Variants in SBF2 observed in about 807,000 individuals in gnomAD.
SBF2 encodes the protein SET binding factor 2, also known as myotubularin-related protein 13.
In SBF2, 112 loss-of-function variants were observed where a neutral mutation model predicts 225.2. That is an observed-to-expected ratio of 0.50 (90% CI 0.43 to 0.58). SBF2 has a LOEUF of 0.58. Among genes scored for constraint, SBF2 ranks in the 20% least tolerant of loss-of-function variants. SBF2 has a pLI of 0.00. For synonymous variants in SBF2, 763 were observed against 773.3 expected (o/e 0.99, Z 0.22); for missense variants, 1,996 against 2,206.2 (o/e 0.90, Z 1.91).
chr11:10,266,776 G>A (rs553668062), intron 1 of SBF2, among the ~76,000 whole-genome samples: 4 of 152,172 alleles, frequency 2.6e-5, no homozygotes, highest in Non-Finnish European at 1.5e-5. Context: ...CAAAGGAAAC[G>A]TAGTTGATTT....
chr11:10,179,771 T>C (rs1485100399), intron 2 of SBF2, among the ~76,000 whole-genome samples: 1 of 152,218 alleles, frequency 6.6e-6, no homozygotes, highest in African/African-American at 2.4e-5. Context: ...CAGTCTTCTC[T>C]TCCTTGTTTC....
intron 2 of SBF2, among the ~76,000 whole-genome samples, chr11:10,121,661 C>T (rs1413803628): frequency 3.3e-4 from 50 of 152,174 alleles, no homozygotes; most frequent in Admixed American, 3.2e-3. Context: ...TAAAAATATG[C>T]TTTTGTACAA....
intron 17 of SBF2, among the ~76,000 whole-genome samples, chr11:9,885,889 G>A (rs1464787442): frequency 1.3e-5 from 2 of 152,078 alleles, no homozygotes; most frequent in Non-Finnish European, 2.9e-5. Context: ...CCGTAGCGTT[G>A]CCCCCCAATC....
chr11:10,063,677 A>T (rs1269604459), intron 2 of SBF2, among the ~76,000 whole-genome samples: 1 of 151,910 alleles, frequency 6.6e-6, no homozygotes, highest in Non-Finnish European at 1.5e-5. Flanking sequence ...TAAAAGTTAG[A>T]AATTATAATA....
At chr11:10,024,204 T>C (rs1948965802) in intron 6 of SBF2, among the ~76,000 whole-genome samples, 1 of 152,242 alleles carries the variant, frequency 6.6e-6, no homozygotes, top group Non-Finnish European at 1.5e-5. Flanking sequence ...ATACCACAGA[T>C]GCTTTATCCA....
At chr11:10,094,694 G>T (rs1951943789) in intron 2 of SBF2, among the ~76,000 whole-genome samples, 1 of 151,672 alleles carries the variant, frequency 6.6e-6, no homozygotes, top group African/African-American at 2.4e-5. Flanking sequence ...AGTAGAGACG[G>T]GGTTTCACCA....
intron 2 of SBF2, among the ~76,000 whole-genome samples, chr11:10,167,200 T>C (rs1955996016): frequency 1.3e-5 from 2 of 152,212 alleles, no homozygotes; most frequent in South Asian, 2.1e-4. Context: ...CATTAAATAA[T>C]GGTTAATTTA....
chr11:10,202,754 C>T (rs1957613798), intron 1 of SBF2, among the ~76,000 whole-genome samples: 2 of 152,202 alleles, frequency 1.3e-5, no homozygotes, highest in South Asian at 4.1e-4. Flanking sequence ...CGCCACTGCA[C>T]TCCAGCCTGG....
At position 10,003,390 on chromosome 11, in the gene SBF2, C is replaced by A. The variant is rs552209853; in HGVS notation, c.620-701G>T. Among the ~76,000 whole-genome samples, 252 of 145,868 alleles carry A rather than the reference C, an allele frequency of 1.7e-3. 1 individual carries two copies. Among genetic ancestry groups the A allele is most frequent in the South Asian group, 7.9e-3 (37 of 4,684 alleles). On this transcript the variant is annotated intron_variant, in intron 6 of 39. Transcript: ENST00000256190. ...CTTTTTTCTTTTTTTTTTTTTGAGA[C>A]GGAGCCTTGCTCTGTCATCGAGGTT...
At chr11:10,229,600 A>G (rs1259429522) in intron 1 of SBF2, among the ~76,000 whole-genome samples, 1 of 152,220 alleles carries the variant, frequency 6.6e-6, no homozygotes, top group East Asian at 1.9e-4. Flanking sequence ...CAGGTTGTTC[A>G]GTTTCCATGT....
intron 16 of SBF2, among the ~76,000 whole-genome samples, chr11:9,927,051 G>A (rs1232003222): frequency 6.6e-6 from 1 of 152,094 alleles, no homozygotes; most frequent in Non-Finnish European, 1.5e-5. Flanking sequence ...TGAGGAATGA[G>A]AGAGATGACA....
intron 2 of SBF2, among the ~76,000 whole-genome samples, chr11:10,125,541 A>C (rs1453608885): frequency 6.6e-6 from 1 of 152,200 alleles, no homozygotes; most frequent in East Asian, 1.9e-4. Context: ...TCTGTCTGTC[A>C]TATCTTTAAC....
upstream of SBF2, chr11:10,294,244 G>A (rs1351224300): frequency 1.4e-5 from 6 of 439,448 alleles, no homozygotes; most frequent in African/African-American, 4.1e-5. Context: ...CCTAGTGCCC[G>A]CTCCTCCCCC....
chr11:9,882,216 C>T (rs2134086823), intron 17 of SBF2, among the ~76,000 whole-genome samples: 1 of 152,268 alleles, frequency 6.6e-6, no homozygotes, highest in East Asian at 1.9e-4. Context: ...TATCCTAGGG[C>T]TTGCTTGAGT....
At chr11:10,260,088 C>T (rs1225208304) in intron 1 of SBF2, among the ~76,000 whole-genome samples, 1 of 152,024 alleles carries the variant, frequency 6.6e-6, no homozygotes, top group Non-Finnish European at 1.5e-5. Flanking sequence ...GGTTCTCCTG[C>T]CTGACAGCAA....
intron 2 of SBF2, among the ~76,000 whole-genome samples, chr11:10,118,334 C>A (rs577178739): frequency 6.6e-6 from 1 of 151,968 alleles, no homozygotes. Flanking sequence ...TAAAGTACAA[C>A]AAAGAAAAAA....
chr11:10,210,298 AC>A (rs754881578), intron 1 of SBF2, among the ~76,000 whole-genome samples: 12 of 151,758 alleles, frequency 7.9e-5, no homozygotes, highest in Non-Finnish European at 1.2e-4. Context: ...ACAGAGCAAG[AC>A]CCCATGCTCC....
chr11:10,171,097 G>A (rs984225090), intron 2 of SBF2, among the ~76,000 whole-genome samples: 4 of 152,056 alleles, frequency 2.6e-5, no homozygotes, highest in African/African-American at 9.7e-5. Context: ...AGGATAATTT[G>A]ACTCCCTCCT....
At chr11:9,885,760 AT>A (rs1429947481) in intron 17 of SBF2, among the ~76,000 whole-genome samples, 52 of 152,294 alleles carry the variant, frequency 3.4e-4, no homozygotes, top group African/African-American at 1.2e-3. Flanking sequence ...TAAAAATTTT[AT>A]TTTTAAATGT....
Sources: gnomAD v4.1 joint callset for allele counts (sites outside exome capture counted in the v4.1 genomes callset) on GRCh38, gnomAD v4.1.1 for gene constraint, MANE v1.5 for transcripts, NCBI Gene and HGNC (gene_info 2026-07-23, HGNC 2026-07-21) for gene names.